CEP128: variants seen among roughly 807,000 people sequenced by gnomAD.
CEP128 encodes centrosomal protein 128, also known as centrosomal protein 128kDa.
Under a neutral mutation model 156.7 loss-of-function variants are expected in CEP128, and 132 were observed. That is an observed-to-expected ratio of 0.84 (90% CI 0.73 to 0.97). CEP128 has a LOEUF of 0.97. Among genes scored for constraint, CEP128 ranks in the 50% least tolerant of loss-of-function variants. CEP128 has a pLI of 0.00. For synonymous variants in CEP128, 469 were observed against 448.9 expected (o/e 1.04, Z -0.57); for missense variants, 1,252 against 1,281.9 (o/e 0.98, Z 0.36).
intron 16 of CEP128, among the ~76,000 whole-genome samples, chr14:80,766,503 A>G (rs1031224408): frequency 3.3e-5 from 5 of 152,182 alleles, no homozygotes; most frequent in Non-Finnish European, 4.4e-5. Flanking sequence ...TATCAGAAAT[A>G]TAAAAGCTTC....
chr14:80,596,615 C>T (rs940716131), intron 19 of CEP128, among the ~76,000 whole-genome samples: 1 of 151,482 alleles, frequency 6.6e-6, no homozygotes, highest in African/African-American at 2.4e-5. Flanking sequence ...TTGAGACCAG[C>T]CTGGGAAACA....
chr14:80,622,131 T>A (rs915458764), intron 19 of CEP128, among the ~76,000 whole-genome samples: 1 of 152,206 alleles, frequency 6.6e-6, no homozygotes, highest in Non-Finnish European at 1.5e-5. Context: ...AGATGTGGGA[T>A]AGGCTTTCTG....
At chr14:80,937,490 C>T (rs1885873871) in intron 2 of CEP128, among the ~76,000 whole-genome samples, 1 of 151,908 alleles carries the variant, frequency 6.6e-6, no homozygotes, top group Non-Finnish European at 1.5e-5. Flanking sequence ...TCCATGAGCA[C>T]ATTCATTCAC....
chr14:80,684,052 A>T (rs1896427999), intron 19 of CEP128, among the ~76,000 whole-genome samples: 1 of 152,130 alleles, frequency 6.6e-6, no homozygotes, highest in Non-Finnish European at 1.5e-5. Context: ...AAAAACAAGA[A>T]CTAAACCCAA....
At position 80,831,162 on chromosome 14, in the gene CEP128, T is replaced by C. The variant is rs2140043370; in HGVS notation, c.1190A>G (p.His397Arg). 1.2e-6 allele frequency: 2 copies of C among 1,614,038 alleles called. No individual in the cohort carries two copies. The highest frequency in any genetic ancestry group is 2.2e-5 in the East Asian group (1 of 44,862). Residue 397 changes from histidine to arginine, a missense_variant, in exon 13 of 25, where the codon CAT (histidine) becomes CGT (arginine). By Grantham distance (29) the His-to-Arg change is conservative. Coordinates refer to ENST00000555265, the MANE Select transcript of CEP128 (RefSeq NM_152446.5). ...CMERKDKEKA[H>R]LASQVENLTR... The stretch of plus-strand genomic sequence containing the variant: ...AGTCACCTCTACTTGTGATGCCAAA[T>C]GTGCTTTCTCCTTGTCTTTTCTCTC...
At chr14:80,806,865 A>G (rs1884206446) in intron 13 of CEP128, among the ~76,000 whole-genome samples, 1 of 152,116 alleles carries the variant, frequency 6.6e-6, no homozygotes, top group South Asian at 2.1e-4. Context: ...ATATAACACA[A>G]CACCTAATAT....
intron 8 of CEP128, among the ~76,000 whole-genome samples, chr14:80,873,324 C>G (rs1017666967): frequency 4.6e-5 from 7 of 152,178 alleles, no homozygotes; most frequent in Non-Finnish European, 8.8e-5. Context: ...ATTCAGCTAA[C>G]TGCTAACTTT....
intron 2 of CEP128, among the ~76,000 whole-genome samples, chr14:80,935,898 T>G (rs939767930): frequency 5.3e-5 from 8 of 152,164 alleles, no homozygotes; most frequent in Non-Finnish European, 2.9e-5. Context: ...ATAGCTGTAA[T>G]CAATATGACA....
At chr14:80,513,192 T>A (rs552392982) in intron 23 of CEP128, among the ~76,000 whole-genome samples, 1 of 152,126 alleles carries the variant, frequency 6.6e-6, no homozygotes, top group African/African-American at 2.4e-5. Flanking sequence ...TTTGTTTGTC[T>A]GGGAAAGTCT....
At position 80,712,636 on chromosome 14, in the gene CEP128, T is replaced by C. The variant is rs539581918; in HGVS notation, c.2806+30439A>G. ...CTATCAGTTGGTAGCCATGTATCCG[T>C]AGACCCAGCTATTTATTCCATTTGT... On this transcript the variant is annotated intron_variant, in intron 19 of 24. Transcript: ENST00000555265. 2.6e-4 allele frequency among the ~76,000 whole-genome samples: 40 copies of C among 152,252 alleles called. No individual in the cohort carries two copies. In the South Asian group the frequency reaches 7.7e-3, roughly 29 times the overall value.
At chr14:80,727,145 C>T (rs1358170700) in intron 19 of CEP128, among the ~76,000 whole-genome samples, 1 of 152,012 alleles carries the variant, frequency 6.6e-6, no homozygotes, top group African/African-American at 2.4e-5. Flanking sequence ...GTTCCTGAGG[C>T]CAAACAACAG....
At chr14:80,803,860 T>C (rs1489633401) in intron 13 of CEP128, among the ~76,000 whole-genome samples, 2 of 152,136 alleles carry the variant, frequency 1.3e-5, no homozygotes, top group African/African-American at 2.4e-5. Context: ...TTTCCCAGTT[T>C]TATGATATCT....
In CEP128 at chr14:80,555,086, G is replaced by A. The variant is rs561494288; in HGVS notation, c.2880+4193C>T. On this transcript the variant is annotated intron_variant, in intron 21 of 24. Coordinates refer to ENST00000555265, the MANE Select transcript of CEP128 (RefSeq NM_152446.5). ...GATATAAAAAAATCAAGTCTAAACTGCTTGGTTTGTATTTCAGAACGTCAG... is the reference window on the plus strand; with the variant it reads ...GATATAAAAAAATCAAGTCTAAACTACTTGGTTTGTATTTCAGAACGTCAG... Among the ~76,000 whole-genome samples, 3 of 152,160 alleles carry A rather than the reference G, an allele frequency of 2.0e-5. No individual in the cohort carries two copies. The South Asian group carries it at 6.2e-4, about 32-fold the overall frequency.
chr14:80,761,355 C>T, intron 17 of CEP128, 82 bp downstream of exon 17: 1 of 1,074,076 alleles, frequency 9.3e-7, no homozygotes, highest in Non-Finnish European at 1.3e-6. Flanking sequence ...AATAATCTGA[C>T]TACCACACAT....
At chr14:80,518,247 T>C (rs529857921) in intron 23 of CEP128, among the ~76,000 whole-genome samples, 19 of 151,496 alleles carry the variant, frequency 1.3e-4, no homozygotes, top group Middle Eastern at 6.8e-3. Context: ...GTGAGCTCTC[T>C]TTACTACCTG....
At chr14:80,541,467 C>CAAAAAAAAAAA (rs1889760365) in intron 21 of CEP128, among the ~76,000 whole-genome samples, 1 of 94,412 alleles carries the variant, frequency 1.1e-5, no homozygotes, top group African/African-American at 6.0e-5. Flanking sequence ...AAAAAAAAAC[C>CAAAAAAAAAAA]AGGAAAAAAG....
chr14:80,615,384 G>A (rs1200955741), intron 19 of CEP128, among the ~76,000 whole-genome samples: 2 of 152,192 alleles, frequency 1.3e-5, no homozygotes, highest in African/African-American at 2.4e-5. Context: ...TAGCCGTAGA[G>A]TATCTCCAAA....
chr14:80,741,518 A>G (rs1898829211), intron 19 of CEP128, among the ~76,000 whole-genome samples: 1 of 152,240 alleles, frequency 6.6e-6, no homozygotes, highest in East Asian at 1.9e-4. Flanking sequence ...GAATACCCCA[A>G]AAGTGTATGA....
chr14:80,696,077 A>C (rs951232973), intron 19 of CEP128, among the ~76,000 whole-genome samples: 2 of 152,086 alleles, frequency 1.3e-5, no homozygotes, highest in Admixed American at 1.3e-4. Flanking sequence ...AAAGAAACTA[A>C]AACGCGGTAG....
Sources: allele counts gnomAD v4.1 joint callset (sites outside exome capture counted in the v4.1 genomes callset), GRCh38; gene constraint gnomAD v4.1.1; transcripts MANE v1.5; gene names NCBI Gene and HGNC (gene_info 2026-07-23, HGNC 2026-07-21).